OSCP1: variants seen among roughly 807,000 people sequenced by gnomAD.
The protein encoded by OSCP1 is organic solute carrier partner 1, also known as protein OSCP1.
Under a neutral mutation model 45.1 loss-of-function variants are expected in OSCP1, and 35 were observed. The observed-to-expected ratio is 0.78, with a 90% CI of 0.59 to 1.03. The LOEUF (loss-of-function observed/expected upper bound fraction) is 1.03. Ranked by LOEUF, OSCP1 falls within the 50% of genes least tolerant of loss-of-function variation. OSCP1 has a pLI of 0.00. For missense variants in OSCP1, 400 were observed against 470.7 expected (o/e 0.85, Z 1.39); for synonymous variants, 179 against 180.1 (o/e 0.99, Z 0.05).
intron 5 of OSCP1, 78 bp downstream of exon 5, chr1:36,423,285 G>A: frequency 8.7e-7 from 1 of 1,151,380 alleles, no homozygotes; most frequent in Non-Finnish European, 1.3e-6. Context: ...TGGCTTGGCA[G>A]TGCGGCATTC....
At chr1:36,426,926 G>A (rs1365687417) in intron 4 of OSCP1, among the ~76,000 whole-genome samples, 3 of 151,730 alleles carry the variant, frequency 2.0e-5, no homozygotes, top group Non-Finnish European at 4.4e-5. Flanking sequence ...GGCTGGTCTC[G>A]AACTCCTGAC....
chr1:36,418,546 C>G, intron 9 of OSCP1: 1 of 461,764 alleles, frequency 2.2e-6, no homozygotes, highest in Non-Finnish European at 3.9e-6. Flanking sequence ...CAATACAGCA[C>G]TTAACAGCTA....
intron 1 of OSCP1, among the ~76,000 whole-genome samples, chr1:36,448,961 C>T (rs7513274): frequency 4.6e-5 from 7 of 152,062 alleles, no homozygotes; most frequent in Non-Finnish European, 7.4e-5. Flanking sequence ...AGCTCATTGG[C>T]GGCAATGTGC....
At position 36,418,973 on chromosome 1, in the gene OSCP1, G is replaced by A; in HGVS notation, c.1023+18C>T. ...GGAAGCGAATACGATTGGACCCTGT[G>A]TTATCCCCTGTACGTACCTGGGTGG... On this transcript the variant is annotated intron_variant, in intron 9 of 9. Coordinates refer to ENST00000235532, the MANE Select transcript of OSCP1 (RefSeq NM_145047.5). The A allele has an allele frequency of 6.4e-7, 1 of 1,564,162 alleles. No individual in the cohort carries two copies. The highest frequency in any genetic ancestry group is 8.8e-7 in the Non-Finnish European group (1 of 1,135,020).
intron 4 of OSCP1, among the ~76,000 whole-genome samples, chr1:36,429,596 A>G (rs894347397): frequency 7.7e-6 from 1 of 130,064 alleles, no homozygotes; most frequent in African/African-American, 3.0e-5. Context: ...GGTCTGAATC[A>G]TGGATCCACC....
intron 2 of OSCP1, among the ~76,000 whole-genome samples, chr1:36,436,402 G>A (rs576753541): frequency 6.2e-4 from 94 of 151,984 alleles, no homozygotes; most frequent in African/African-American, 2.1e-3. Flanking sequence ...GAGCCACCGC[G>A]CCCGGCCCTC....
chr1:36,444,205 A>T (rs978206410), intron 1 of OSCP1, among the ~76,000 whole-genome samples: 1 of 152,264 alleles, frequency 6.6e-6, no homozygotes, highest in African/African-American at 2.4e-5. Flanking sequence ...CTTTAAAAGG[A>T]TGATGGATAA....
chr1:36,434,996 G>A (rs1246439473), intron 2 of OSCP1, among the ~76,000 whole-genome samples: 1 of 151,848 alleles, frequency 6.6e-6, no homozygotes, highest in Non-Finnish European at 1.5e-5. Context: ...GCTAGTAACT[G>A]GTAGAGCTAA....
intron 4 of OSCP1, among the ~76,000 whole-genome samples, chr1:36,424,400 C>T (rs915538615): frequency 1.4e-4 from 22 of 152,336 alleles, no homozygotes; most frequent in African/African-American, 4.3e-4. Flanking sequence ...CTCCAAATTC[C>T]ACCCGTATGC....
At chr1:36,434,056 T>C (rs1648549916) in intron 2 of OSCP1, among the ~76,000 whole-genome samples, 1 of 152,104 alleles carries the variant, frequency 6.6e-6, no homozygotes, top group African/African-American at 2.4e-5. Flanking sequence ...ACTGCACCTT[T>C]TCAGCCTAGT....
intron 2 of OSCP1, 106 bp downstream of exon 2, chr1:36,438,650 C>T: frequency 7.4e-7 from 1 of 1,350,542 alleles, no homozygotes. Context: ...ATGCCTGTTT[C>T]TTGCAAGGAC....
At chr1:36,423,028 A>G in intron 5 of OSCP1, 132 bp from the exon 6 acceptor site, 1 of 496,100 alleles carries the variant, frequency 2.0e-6, no homozygotes, top group Middle Eastern at 6.0e-4. Context: ...TGGTTGTAAT[A>G]ATAATAATAA....
intron 7 of OSCP1, among the ~76,000 whole-genome samples, chr1:36,421,612 C>T (rs537985819): frequency 1.3e-5 from 2 of 152,294 alleles, no homozygotes; most frequent in East Asian, 1.9e-4. Flanking sequence ...ACCACATCTA[C>T]GTCAGCTTCG....
intron 7 of OSCP1, chr1:36,421,944 A>G (rs1315757670): frequency 1.7e-6 from 1 of 593,990 alleles, no homozygotes; most frequent in Admixed American, 2.9e-5. Context: ...CCAAGCCTAA[A>G]ATTACCTAAT....
chr1:36,423,069 G>A (rs773275301), intron 5 of OSCP1, among the ~76,000 whole-genome samples, 173 bp from the exon 6 acceptor site: 1 of 152,126 alleles, frequency 6.6e-6, no homozygotes, highest in African/African-American at 2.4e-5. Context: ...TTGAGCATAT[G>A]TATGTGCCAA....
intron 1 of OSCP1, among the ~76,000 whole-genome samples, chr1:36,446,627 T>C (rs930782466): frequency 2.5e-4 from 38 of 152,222 alleles, no homozygotes; most frequent in African/African-American, 8.0e-4. Flanking sequence ...TTGTGACAAC[T>C]CCACTTTAGT....
chr1:36,432,480 A>G lies in OSCP1; in HGVS notation c.377T>C (p.Ile126Thr). 1 of 1,614,154 alleles carries G rather than the reference A, an allele frequency of 6.2e-7. No homozygotes were observed. The highest frequency in any genetic ancestry group is 1.3e-5 in the African/African-American group (1 of 75,030). ...FNHLDTIKGF[I>T]RDSPTILQQV... Reference sequence around the variant, plus strand: ...CTGCAGGATGGTTGGGGAGTCTCGGATGAATCCCTTGATGGTATCCAAGTG... The same window carrying G: ...CTGCAGGATGGTTGGGGAGTCTCGGGTGAATCCCTTGATGGTATCCAAGTG... Residue 126 changes from isoleucine (I) to threonine (T), a missense_variant, in exon 3 of 10, where the codon ATC becomes ACC. Transcript: ENST00000235532.
intron 4 of OSCP1, among the ~76,000 whole-genome samples, chr1:36,425,978 G>A (rs975572716): frequency 1.4e-4 from 22 of 152,176 alleles, no homozygotes; most frequent in African/African-American, 5.3e-4. Flanking sequence ...GAGCCTGGAG[G>A]AAGAAGGTAG....
At chr1:36,449,835 CAAAAAAAAAAAAAAAAAAAAA>C (rs67376533) in intron 1 of OSCP1, among the ~76,000 whole-genome samples, 2 of 20,336 alleles carry the variant, frequency 9.8e-5, no homozygotes, top group Non-Finnish European at 1.6e-4. Context: ...GACCCTGTCT[CAAAAAAAAAAAAAAAAAAAAA>C]AAAAAAAAAA....
Sources: gnomAD v4.1 joint callset for allele counts (sites outside exome capture counted in the v4.1 genomes callset) on GRCh38, gnomAD v4.1.1 for gene constraint, MANE v1.5 for transcripts, NCBI Gene and HGNC (gene_info 2026-07-23, HGNC 2026-07-21) for gene names.